RBFOX1: variants seen among roughly 807,000 people sequenced by gnomAD.
RBFOX1 encodes RNA binding protein fox-1 homolog 1.
A neutral mutation model predicts 57.7 loss-of-function variants in RBFOX1; 8 were observed. The ratio of observed to expected loss-of-function variants is 0.14; its 90% CI spans 0.08 to 0.25. The LOEUF is 0.25. Among genes scored for constraint, RBFOX1 ranks in the 10% least tolerant of loss-of-function variants. RBFOX1 has a pLI of 1.00. For missense variants in RBFOX1, 611 were observed against 548.5 expected, an observed-to-expected ratio of 1.11 and a Z score of -1.14; for synonymous variants, 326 against 222.4, an observed-to-expected ratio of 1.47 and a Z score of -4.15.
Position 7,545,933 on chromosome 16 carries a change from A to C in RBFOX1, c.270+27544A>C, listed in dbSNP as rs1039930519. On this transcript the variant is annotated intron_variant, in intron 5 of 15. Transcript: ENST00000550418. ...TGTTTTGAGAGTCACGTGCAAAATC[A>C]GATGTGAGCATGCCTTAGAAATTGG... Among the ~76,000 whole-genome samples the C allele has an allele frequency of 1.1e-4, 16 of 151,870 alleles. 1 individual carries two copies. The highest frequency in any genetic ancestry group is 3.9e-4 in the Admixed American group (6 of 15,224).
intron 3 of RBFOX1, among the ~76,000 whole-genome samples, chr16:6,825,284 G>T (rs1039885143): frequency 6.6e-6 from 1 of 150,768 alleles, no homozygotes; most frequent in Non-Finnish European, 1.5e-5. Flanking sequence ...TACTCTAGAT[G>T]CCAAAAATGT....
rs996656642 is a variant in RBFOX1 at position 6,103,100 on chromosome 16, A to G, written c.-127+83108A>G. On this transcript the variant is annotated intron_variant, in intron 1 of 15. Coordinates refer to ENST00000550418, the MANE Select transcript of RBFOX1 (RefSeq NM_018723.4). ...CACTTGTTGGTGATTTAGGAGATGAACAGTAGCACTGTGTGTCAGATATCT... is the reference window on the plus strand; with the variant it reads ...CACTTGTTGGTGATTTAGGAGATGAGCAGTAGCACTGTGTGTCAGATATCT... Among the ~76,000 whole-genome samples the G allele has an allele frequency of 1.8e-4, 27 of 152,320 alleles. No homozygotes were observed. The East Asian group carries it at 4.8e-3, about 27-fold the overall frequency.
At chr16:5,904,834 G>A (rs1485815852) in intron 4 of RBFOX1, among the ~76,000 whole-genome samples, 3 of 151,410 alleles carry the variant, frequency 2.0e-5, no homozygotes, top group East Asian at 4.1e-4. Context: ...AAAGTTAACC[G>A]GGCATGGTGG....
At chr16:6,538,863 C>A (rs896845097) in intron 2 of RBFOX1, among the ~76,000 whole-genome samples, 12 of 152,118 alleles carry the variant, frequency 7.9e-5, no homozygotes, top group African/African-American at 2.2e-4. Context: ...GCCAAACTTA[C>A]TATTTTAGAT....
intron 3 of RBFOX1, among the ~76,000 whole-genome samples, chr16:5,722,245 G>A (rs1596964034): frequency 6.6e-6 from 1 of 152,314 alleles, no homozygotes; most frequent in African/African-American, 2.4e-5. Context: ...GATTAATGAG[G>A]TGAGTTATTG....
At chr16:7,320,996 T>C (rs1017054479) in intron 4 of RBFOX1, among the ~76,000 whole-genome samples, 2 of 152,142 alleles carry the variant, frequency 1.3e-5, no homozygotes, top group South Asian at 2.1e-4. Flanking sequence ...ATATGATACA[T>C]TGCTATTACG....
intron 1 of RBFOX1, among the ~76,000 whole-genome samples, chr16:5,291,241 A>T (rs2063526942): frequency 6.6e-6 from 1 of 150,924 alleles, no homozygotes; most frequent in Non-Finnish European, 1.5e-5. Flanking sequence ...GTGCTCAGTA[A>T]AGGTGACCTT....
chr16:6,336,435 C>A (rs1488090500), intron 2 of RBFOX1, among the ~76,000 whole-genome samples: 1 of 151,568 alleles, frequency 6.6e-6, no homozygotes, highest in African/African-American at 2.4e-5. Context: ...GACCCTATGG[C>A]TCTGAGAAGT....
intron 2 of RBFOX1, among the ~76,000 whole-genome samples, chr16:6,452,319 C>G (rs1365099275): frequency 6.6e-6 from 1 of 151,724 alleles, no homozygotes; most frequent in Non-Finnish European, 1.5e-5. Context: ...TGACTCTATC[C>G]ATGGTCCCTT....
chr16:6,049,862 T>C (rs75499067), intron 1 of RBFOX1, among the ~76,000 whole-genome samples: 5,679 of 152,190 alleles, frequency 0.037, 142 homozygotes, highest in Non-Finnish European at 0.055. Context: ...ATAGTTTGTT[T>C]ATTTGAAACA....
intron 3 of RBFOX1, among the ~76,000 whole-genome samples, chr16:6,973,736 G>A (rs1464262685): frequency 6.6e-6 from 1 of 152,036 alleles, no homozygotes; most frequent in African/African-American, 2.4e-5. Flanking sequence ...AAGTTTTGGC[G>A]AGCATAACTG....
intron 3 of RBFOX1, among the ~76,000 whole-genome samples, chr16:5,803,259 C>A (rs2055116932): frequency 6.6e-6 from 1 of 152,172 alleles, no homozygotes; most frequent in South Asian, 2.1e-4. Context: ...TTGGCCTGAG[C>A]TTGGTTCGTC....
intron 4 of RBFOX1, among the ~76,000 whole-genome samples, chr16:7,392,104 C>T (rs529485493): frequency 9.2e-5 from 14 of 152,210 alleles, no homozygotes; most frequent in Non-Finnish European, 1.5e-4. Context: ...AAGTTGCACA[C>T]CCACTTCTCC....
chr16:5,454,958 C>CTTTTTCTTT (rs1567535928), intron 1 of RBFOX1, among the ~76,000 whole-genome samples: 4 of 30,384 alleles, frequency 1.3e-4, no homozygotes, highest in Non-Finnish European at 1.8e-4. Flanking sequence ...TTCCTTCCTT[C>CTTTTTCTTT]CTTTCTTTCT....
intron 4 of RBFOX1, among the ~76,000 whole-genome samples, chr16:5,869,902 A>G (rs185230693): frequency 6.6e-6 from 1 of 152,280 alleles, no homozygotes; most frequent in East Asian, 1.9e-4. Context: ...TACCATACCC[A>G]AACACTGGAA....
chr16:6,827,777 C>G (rs1017262897), intron 3 of RBFOX1, among the ~76,000 whole-genome samples: 6 of 152,188 alleles, frequency 3.9e-5, no homozygotes, highest in South Asian at 2.1e-4. Flanking sequence ...CCTGGTTAGT[C>G]TTTCCCTGGC....
At position 6,335,776 on chromosome 16, in the gene RBFOX1, C is replaced by CAAAA. The variant is rs57151962; in HGVS notation, c.-64+18730_-64+18733dup. Among the ~76,000 whole-genome samples, 195 of 50,870 alleles carry CAAAA rather than the reference C, an allele frequency of 3.8e-3. 1 individual carries two copies. The highest frequency in any genetic ancestry group is 0.01 in the African/African-American group (184 of 17,778). The allele number at this position is 50,870 out of a possible 152,430, so 33.4% of individuals were successfully genotyped here. A position where few individuals can be genotyped will look rare whatever the true frequency, so the allele number is the denominator to read the frequency against. On this transcript the variant is annotated intron_variant, in intron 2 of 15. Transcript: ENST00000550418. ...CTGGGGGATACAGCAAGACTGTCTCCAAAAAAAAAAAAAAGAAAAAAAAAA... is the reference window on the plus strand; with the variant it reads ...CTGGGGGATACAGCAAGACTGTCTCCAAAAAAAAAAAAAAAAAAGAAAAAAAAAA...
intron 11 of RBFOX1, among the ~76,000 whole-genome samples, chr16:7,650,585 G>C (rs2064836743): frequency 6.6e-6 from 1 of 152,048 alleles, no homozygotes; most frequent in African/African-American, 2.4e-5. Context: ...CTCTTGCCAA[G>C]CTTCTGTTTC....
chr16:6,329,506 A>G (rs2082755226), intron 2 of RBFOX1, among the ~76,000 whole-genome samples: 1 of 152,216 alleles, frequency 6.6e-6, no homozygotes, highest in Admixed American at 6.5e-5. Context: ...CAAAAGTTCC[A>G]GTGGGACTGT....
Sources: allele counts gnomAD v4.1 joint callset (sites outside exome capture counted in the v4.1 genomes callset), GRCh38; gene constraint gnomAD v4.1.1; transcripts MANE v1.5; gene names NCBI Gene and HGNC (gene_info 2026-07-23, HGNC 2026-07-21).